The following IL12B variants were observed in gnomAD, a reference collection of about 807,000 sequenced individuals.
IL12B encodes the protein interleukin-12 subunit beta.
A neutral mutation model predicts 39.2 loss-of-function variants in IL12B; 27 were observed. The observed-to-expected ratio is 0.69, with a 90% CI of 0.51 to 0.95. The LOEUF (loss-of-function observed/expected upper bound fraction) is 0.95, where lower values mean the gene tolerates loss of function less well. Among genes scored for constraint, IL12B ranks in the 40% least tolerant of loss-of-function variants. The pLI, the probability that IL12B is intolerant of heterozygous loss-of-function variation, is 0.00. For missense variants in IL12B, 351 were observed against 397.6 expected (o/e 0.88, Z 1.00); for synonymous variants, 142 against 152.1 (o/e 0.93, Z 0.49).
chr5:159,326,947 C>T (rs1301394795), intron 1 of IL12B, among the ~76,000 whole-genome samples, 165 bp from the exon 2 acceptor site: 2 of 152,012 alleles, frequency 1.3e-5, no homozygotes, highest in African/African-American at 4.8e-5. Context: ...CCTTTCTTCT[C>T]CATACTGTCA....
At chr5:159,327,504 C>T (rs924475355) in intron 1 of IL12B, among the ~76,000 whole-genome samples, 10 of 152,188 alleles carry the variant, frequency 6.6e-5, no homozygotes, top group South Asian at 2.1e-4. Flanking sequence ...AGACTACTCT[C>T]TCCCATATAG....
rs1289042705 is a variant in IL12B at position 159,322,362 on chromosome 5, A to G, written c.482+32T>C. ...ATTTCTTAATGAAATAGTTCTAGAA[A>G]AATGCTGAGAAACCAGAGCAGTTTC... On this transcript the variant is annotated intron_variant, in intron 4 of 7. Coordinates refer to ENST00000231228, the MANE Select transcript of IL12B (RefSeq NM_002187.3). 5 of 1,312,432 alleles carry G rather than the reference A, an allele frequency of 3.8e-6. No homozygotes were observed. In the Admixed American group the frequency reaches 6.7e-5, roughly 18 times the overall value. The allele number at this position is 1,312,432 out of a possible 1,614,324, so 81.3% of individuals were successfully genotyped here.
chr5:159,329,950 G>A (rs981278376), intron 1 of IL12B, among the ~76,000 whole-genome samples: 1 of 152,006 alleles, frequency 6.6e-6, no homozygotes, highest in African/African-American at 2.4e-5. Flanking sequence ...CACAACTGAC[G>A]ACCAAGACCA....
At chr5:159,328,232 A>G (rs770159704) in intron 1 of IL12B, among the ~76,000 whole-genome samples, 2 of 152,198 alleles carry the variant, frequency 1.3e-5, no homozygotes, top group African/African-American at 2.4e-5. Flanking sequence ...TCACCACAGC[A>G]TGGAGTTTTA....
intron 5 of IL12B, 81 bp downstream of exon 5, chr5:159,320,224 AC>A: frequency 8.6e-7 from 1 of 1,167,980 alleles, no homozygotes; most frequent in Non-Finnish European, 1.3e-6. Context: ...TCAACCACCT[AC>A]CCCACAGTGC....
chr5:159,320,004 T>A (rs1754058933), intron 5 of IL12B, among the ~76,000 whole-genome samples: 1 of 152,200 alleles, frequency 6.6e-6, no homozygotes, highest in Non-Finnish European at 1.5e-5. Context: ...CTGGGATTCA[T>A]CATGGAAACT....
intron 1 of IL12B, among the ~76,000 whole-genome samples, chr5:159,328,952 G>A (rs2546893): frequency 0.42 from 64,383 of 152,002 alleles, 14,368 homozygotes; most frequent in Non-Finnish European, 0.5. Flanking sequence ...ACTAGGGAGC[G>A]CTATCCCTCA....
At chr5:159,317,975 G>A (rs1159857268) in intron 6 of IL12B, 2 of 152,496 alleles carry the variant, frequency 1.3e-5, no homozygotes, top group East Asian at 3.8e-4. Context: ...GGTGACCTTG[G>A]TAAAGTCACT....
At chr5:159,318,711 A>G (rs754600180) in intron 6 of IL12B, 25 bp downstream of exon 6, 4 of 1,612,622 alleles carry the variant, frequency 2.5e-6, no homozygotes, top group Non-Finnish European at 3.4e-6. Flanking sequence ...ACCAAGGAAT[A>G]TACTGCACCT....
intron 2 of IL12B, among the ~76,000 whole-genome samples, chr5:159,323,920 G>A (rs1027672523): frequency 2.1e-5 from 3 of 146,064 alleles, no homozygotes; most frequent in East Asian, 2.0e-4. Flanking sequence ...AAAAAAGCAC[G>A]TAAAGTACTT....
rs1217551438 is a variant in IL12B, at chr5:159,323,111, G to T, written c.307C>A (p.Leu103Met). Residue 103 changes from leucine (L) to methionine (M), a missense_variant, in exon 3 of 8, where the codon CTG becomes ATG. Physicochemically the swap from Leu to Met is conservative, Grantham distance 15. Coordinates refer to ENST00000231228, the MANE Select transcript of IL12B (RefSeq NM_002187.3). Reference sequence around the variant, plus strand: ...ATTCCATCTTCCTTTTTGTGAAGCAGCAGGAGCGAATGGCTTAGAACCTCG... The same window carrying T: ...ATTCCATCTTCCTTTTTGTGAAGCATCAGGAGCGAATGGCTTAGAACCTCG... The part of the protein sequence containing the change: ...GGEVLSHSLL[L>M]LHKKEDGIWS... 1 of 1,614,096 alleles carries T rather than the reference G, an allele frequency of 6.2e-7. No homozygotes were observed. Among genetic ancestry groups the T allele is most frequent in the East Asian group, 2.2e-5 (1 of 44,888 alleles).
At chr5:159,326,247 G>C (rs1164211928) in intron 2 of IL12B, among the ~76,000 whole-genome samples, 1 of 152,174 alleles carries the variant, frequency 6.6e-6, no homozygotes, top group Non-Finnish European at 1.5e-5. Context: ...AAGTCAATGT[G>C]AGTCTGAATC....
intron 2 of IL12B, 90 bp from the exon 3 acceptor site, chr5:159,323,419 T>C: frequency 1.7e-6 from 2 of 1,200,970 alleles, no homozygotes; most frequent in Non-Finnish European, 2.4e-6. Flanking sequence ...CCCCATTGCC[T>C]AAACACAACC....
intron 2 of IL12B, among the ~76,000 whole-genome samples, chr5:159,323,695 A>G (rs1321894322): frequency 6.6e-6 from 1 of 152,148 alleles, no homozygotes; most frequent in Admixed American, 6.5e-5. Context: ...TTTCATAGAG[A>G]ATACGGCAGG....
chr5:159,319,459 T>C (rs538871842), intron 5 of IL12B, among the ~76,000 whole-genome samples: 19 of 152,358 alleles, frequency 1.2e-4, no homozygotes, highest in Middle Eastern at 3.4e-3. Context: ...GGACTGTGCA[T>C]GAAGGATACA....
chr5:159,320,875 G>T (rs955927020), intron 4 of IL12B, among the ~76,000 whole-genome samples: 6 of 152,046 alleles, frequency 3.9e-5, no homozygotes, highest in Admixed American at 6.6e-5. Flanking sequence ...AGATGATAAA[G>T]ATCCATATAA....
chr5:159,329,959 C>T (rs1032983887), intron 1 of IL12B, among the ~76,000 whole-genome samples: 1 of 152,074 alleles, frequency 6.6e-6, no homozygotes, highest in African/African-American at 2.4e-5. Flanking sequence ...CGACCAAGAC[C>T]ATCACAAATA....
intron 6 of IL12B, among the ~76,000 whole-genome samples, chr5:159,318,509 A>G (rs1754024831): frequency 6.6e-6 from 1 of 152,214 alleles, no homozygotes; most frequent in African/African-American, 2.4e-5. Flanking sequence ...AATAGGCTAT[A>G]CCATAAAGCC....
At chr5:159,328,451 A>C (rs1257280764) in intron 1 of IL12B, among the ~76,000 whole-genome samples, 1 of 152,234 alleles carries the variant, frequency 6.6e-6, no homozygotes, top group African/African-American at 2.4e-5. Flanking sequence ...AAATGGACCT[A>C]ATACTTATCT....
Sources: allele counts gnomAD v4.1 joint callset (sites outside exome capture counted in the v4.1 genomes callset), GRCh38; gene constraint gnomAD v4.1.1; transcripts MANE v1.5; gene names NCBI Gene and HGNC (gene_info 2026-07-23, HGNC 2026-07-21).